MTMR8: variants seen among roughly 807,000 people sequenced by gnomAD.
MTMR8 encodes phosphatidylinositol-3,5-bisphosphate 3-phosphatase MTMR8.
A neutral mutation model predicts 39.3 loss-of-function variants in MTMR8; 65 were observed. That is an observed-to-expected ratio of 1.65 (90% CI 1.35 to 2.03). The LOEUF (loss-of-function observed/expected upper bound fraction) is 2.03. Among genes scored for constraint, MTMR8 ranks in the 30% most tolerant of loss-of-function variants. The pLI is 0.00. For synonymous variants in MTMR8, 245 were observed against 185.2 expected, an observed-to-expected ratio of 1.32 and a Z score of -2.62; for missense variants, 777 against 538.9, an observed-to-expected ratio of 1.44 and a Z score of -4.37.
At chrX:64,343,470 C>T in intron 8 of MTMR8, 141 bp downstream of exon 8, 1 of 411,726 alleles carries the variant, frequency 2.4e-6, no homozygotes, top group Non-Finnish European at 4.2e-6. Context: ...GAGACTTGCC[C>T]AAGGGCACAC....
intron 12 of MTMR8, among the ~76,000 whole-genome samples, chrX:64,275,204 TA>T (rs1443144635): frequency 6.3e-5 from 7 of 110,434 alleles, no homozygotes; most frequent in Non-Finnish European, 9.4e-5. Context: ...AAAATGTTAA[TA>T]AAAAAGAGAA....
At chrX:64,327,000 G>A (rs1922814419) in intron 12 of MTMR8, among the ~76,000 whole-genome samples, 1 of 110,956 alleles carries the variant, frequency 9.0e-6, no homozygotes, top group African/African-American at 3.3e-5. Flanking sequence ...ATGGAACTAG[G>A]TACATATCTC....
chrX:64,366,752 A>C (rs1923973229), intron 1 of MTMR8, among the ~76,000 whole-genome samples: 1 of 111,803 alleles, frequency 8.9e-6, no homozygotes, highest in African/African-American at 3.3e-5. Flanking sequence ...GAAATAATTA[A>C]GATCAGAGCA....
At chrX:64,299,860 G>T (rs1324410162) in intron 12 of MTMR8, among the ~76,000 whole-genome samples, 2 of 88,152 alleles carry the variant, frequency 2.3e-5, no homozygotes, top group South Asian at 1.3e-3. Context: ...TCAGGAGCAG[G>T]TTGTTCAGTT....
intron 1 of MTMR8, among the ~76,000 whole-genome samples, chrX:64,369,905 GA>G (rs1030517240): frequency 1.7e-4 from 19 of 111,128 alleles, no homozygotes; most frequent in African/African-American, 5.9e-4. Flanking sequence ...ATATGACAGG[GA>G]AAAAAGTAAG....
At chrX:64,303,967 G>T (rs1387953924) in intron 12 of MTMR8, among the ~76,000 whole-genome samples, 1 of 111,724 alleles carries the variant, frequency 9.0e-6, no homozygotes, top group African/African-American at 3.3e-5. Context: ...TACTATTATG[G>T]CAACTTGTGT....
intron 12 of MTMR8, among the ~76,000 whole-genome samples, chrX:64,297,407 C>T (rs1367667484): frequency 5.9e-5 from 6 of 102,448 alleles, no homozygotes; most frequent in African/African-American, 2.2e-4. Flanking sequence ...TCATGTCCTT[C>T]ACCCACTTTT....
chrX:64,366,495 C>T (rs1363868780), intron 1 of MTMR8, among the ~76,000 whole-genome samples: 1 of 111,982 alleles, frequency 8.9e-6, no homozygotes, highest in African/African-American at 3.2e-5. Flanking sequence ...ACAACCTGCT[C>T]CTGAATGACT....
rs1407708615 is a variant in MTMR8 at position 64,343,692 on chromosome X, A to G, written c.894T>C (p.Ser298=). The G allele has an allele frequency of 4.2e-6, 5 of 1,204,306 alleles. No individual in the cohort carries two copies. Reference sequence around the variant, plus strand: ...AGCTCTCCAGGCCGCTAAGAAATTCACTCATTGTTGGAGTTTTCAATTCAC... The same window carrying G: ...AGCTCTCCAGGCCGCTAAGAAATTCGCTCATTGTTGGAGTTTTCAATTCAC... ...EVCELKTPTM[S]EFLSGLESSG... Residue 298 remains serine (S), a synonymous_variant, in exon 8 of 14, where the codon AGT becomes AGC. Coordinates refer to ENST00000374852, the MANE Select transcript of MTMR8 (RefSeq NM_017677.4).
intron 12 of MTMR8, among the ~76,000 whole-genome samples, chrX:64,308,244 A>G (rs1922185230): frequency 9.1e-6 from 1 of 109,531 alleles, no homozygotes; most frequent in Admixed American, 9.7e-5. Flanking sequence ...ATTTTTTGAG[A>G]CAGAGTCTCA....
chrX:64,354,268 G>A (rs996078807), intron 4 of MTMR8, among the ~76,000 whole-genome samples: 3 of 109,226 alleles, frequency 2.7e-5, no homozygotes, highest in Non-Finnish European at 5.7e-5. Flanking sequence ...AGCAAAACAG[G>A]ACGACTACAG....
At chrX:64,337,201 A>C in intron 9 of MTMR8, 67 bp downstream of exon 9, 1 of 1,114,088 alleles carries the variant, frequency 9.0e-7, no homozygotes, top group Non-Finnish European at 1.2e-6. Flanking sequence ...ATTGTTTGAC[A>C]GTTATTTTTT....
intron 12 of MTMR8, among the ~76,000 whole-genome samples, chrX:64,317,277 GA>G (rs1233293805): frequency 9.0e-6 from 1 of 111,114 alleles, no homozygotes; most frequent in Non-Finnish European, 1.9e-5. Flanking sequence ...TTATTTATTT[GA>G]GTGCTTTTTG....
intron 1 of MTMR8, among the ~76,000 whole-genome samples, chrX:64,380,499 C>G (rs1278013205): frequency 2.7e-5 from 3 of 112,351 alleles, no homozygotes; most frequent in Non-Finnish European, 5.6e-5. Flanking sequence ...CATTGTGTAG[C>G]CATTGTTGAG....
At chrX:64,294,958 G>A (rs1265462580) in intron 12 of MTMR8, among the ~76,000 whole-genome samples, 1 of 111,220 alleles carries the variant, frequency 9.0e-6, no homozygotes. Flanking sequence ...AAATCTTGGG[G>A]TTACCTTTGG....
intron 1 of MTMR8, among the ~76,000 whole-genome samples, chrX:64,376,348 A>G (rs1471551622): frequency 8.9e-6 from 1 of 112,164 alleles, no homozygotes; most frequent in Non-Finnish European, 1.9e-5. Context: ...AATGGTCGTG[A>G]CCAAAATGTT....
At chrX:64,315,202 T>G (rs1444162110) in intron 12 of MTMR8, among the ~76,000 whole-genome samples, 1 of 111,771 alleles carries the variant, frequency 8.9e-6, no homozygotes, top group East Asian at 2.8e-4. Context: ...GGTCTGGGGG[T>G]CTTCTCCTGC....
At position 64,378,284 on chromosome X, in the gene MTMR8, G is replaced by T. The variant is rs141326494; in HGVS notation, c.24+17056C>A. ...TCTCTAAGAACATATTTTTTAATAT[G>T]ATCATGGCTCATTGCAGCCTCAACC... On this transcript the variant is annotated intron_variant, in intron 1 of 13. Transcript: ENST00000374852. 6.0e-4 allele frequency among the ~76,000 whole-genome samples: 67 copies of T among 111,951 alleles called. 1 individual carries two copies. In the East Asian group the frequency reaches 0.018, roughly 30 times the overall value.
chrX:64,312,844 G>A (rs1922354769), intron 12 of MTMR8, among the ~76,000 whole-genome samples: 1 of 112,312 alleles, frequency 8.9e-6, no homozygotes, highest in Admixed American at 9.4e-5. Flanking sequence ...AGATTACTTG[G>A]TGTACTGTTA....
Sources: gnomAD v4.1 joint callset for allele counts (sites outside exome capture counted in the v4.1 genomes callset) on GRCh38, gnomAD v4.1.1 for gene constraint, MANE v1.5 for transcripts, NCBI Gene and HGNC (gene_info 2026-07-23, HGNC 2026-07-21) for gene names.